The following RAB28 variants were observed in gnomAD, a reference collection of about 807,000 sequenced individuals.
RAB28 encodes the protein RAB28, member RAS oncogene family.
Under a neutral mutation model 31.7 loss-of-function variants are expected in RAB28, and 24 were observed. The ratio of observed to expected loss-of-function variants is 0.76; its 90% CI spans 0.55 to 1.06. The LOEUF is 1.06. Among genes scored for constraint, RAB28 ranks in the 50% least tolerant of loss-of-function variants. The probability of loss-of-function intolerance (pLI) is 0.00; values close to 1 mark genes in which losing one functional copy is unlikely to be tolerated. For synonymous variants in RAB28, 100 were observed against 90.4 expected (o/e 1.11, Z -0.60); for missense variants, 254 against 258.5 (o/e 0.98, Z 0.12).
intron 4 of RAB28, among the ~76,000 whole-genome samples, chr4:13,408,371 C>T (rs1343666294): frequency 3.3e-5 from 5 of 152,114 alleles, no homozygotes; most frequent in South Asian, 2.1e-4. Flanking sequence ...CCAACTTGAT[C>T]GTGGTGGGTA....
chr4:13,475,432 T>C (rs1403215489), intron 2 of RAB28, among the ~76,000 whole-genome samples: 1 of 151,436 alleles, frequency 6.6e-6, no homozygotes, highest in African/African-American at 2.4e-5. Flanking sequence ...ATGATCTCAT[T>C]TCAAAAAAAG....
chr4:13,413,091 A>G (rs59709951), intron 4 of RAB28, among the ~76,000 whole-genome samples: 11,308 of 152,232 alleles, frequency 0.074, 742 homozygotes, highest in African/African-American at 0.18. Context: ...AAAAAATAAC[A>G]GAACAGAAAA....
chr4:13,450,168 T>G (rs554585887), intron 4 of RAB28, among the ~76,000 whole-genome samples: 1 of 151,972 alleles, frequency 6.6e-6, no homozygotes, highest in South Asian at 2.1e-4. Flanking sequence ...AGATTATGAT[T>G]TTTTAACTAA....
chr4:13,468,259 T>G (rs1449982828), intron 3 of RAB28, among the ~76,000 whole-genome samples: 2 of 152,042 alleles, frequency 1.3e-5, no homozygotes, highest in Non-Finnish European at 2.9e-5. Context: ...TTGACATTTA[T>G]AGACTACGGT....
chr4:13,459,371 T>C (rs1473000987), intron 4 of RAB28, among the ~76,000 whole-genome samples: 1 of 152,178 alleles, frequency 6.6e-6, no homozygotes, highest in Non-Finnish European at 1.5e-5. Flanking sequence ...TATACATCTA[T>C]CCTATTAGTT....
intron 3 of RAB28, among the ~76,000 whole-genome samples, chr4:13,461,819 G>A (rs951927865): frequency 2.6e-5 from 4 of 152,072 alleles, no homozygotes; most frequent in Non-Finnish European, 5.9e-5. Context: ...CGACTTCTTA[G>A]GTTGTAACAG....
chr4:13,407,734 T>C (rs968084888), intron 4 of RAB28, among the ~76,000 whole-genome samples: 1 of 152,224 alleles, frequency 6.6e-6, no homozygotes, highest in African/African-American at 2.4e-5. Flanking sequence ...TCTTTGTAAG[T>C]TGTATTCCTA....
At chr4:13,478,635 AGAG>A (rs1288364439) in intron 2 of RAB28, among the ~76,000 whole-genome samples, 3 of 151,696 alleles carry the variant, frequency 2.0e-5, no homozygotes, top group African/African-American at 7.2e-5. Flanking sequence ...GCTTCCTCAC[AGAG>A]GAGAGAGATG....
intron 4 of RAB28, among the ~76,000 whole-genome samples, chr4:13,430,935 A>G (rs1336208255): frequency 6.6e-6 from 1 of 152,192 alleles, no homozygotes; most frequent in African/African-American, 2.4e-5. Context: ...ACACCCATGA[A>G]GAGACGTGGA....
chr4:13,437,511 G>GA (rs372341356), intron 4 of RAB28, among the ~76,000 whole-genome samples: 2 of 149,030 alleles, frequency 1.3e-5, no homozygotes, highest in Admixed American at 6.7e-5. Context: ...TTAAGTCAAG[G>GA]AAAAAAAAAT....
At chr4:13,384,050 C>T (rs191734980) in intron 4 of RAB28, among the ~76,000 whole-genome samples, 1 of 152,300 alleles carries the variant, frequency 6.6e-6, no homozygotes, top group East Asian at 1.9e-4. Flanking sequence ...ATGCACCAGC[C>T]TCCCTCGCCC....
Position 13,460,759 on chromosome 4 carries a change from C to G in RAB28, c.331G>C (p.Val111Leu). 6.2e-7 allele frequency: 1 copy of G among 1,614,022 alleles called. No homozygotes were observed. The highest frequency in any genetic ancestry group is 1.1e-5 in the South Asian group (1 of 91,084). Residue 111 changes from valine to leucine, a missense_variant, in exon 4 of 7, where the codon GTG (valine) becomes CTG (leucine). By Grantham distance (32) the Val-to-Leu change is conservative (BLOSUM62 1). Transcript: ENST00000330852. ...FENLEDWYTV[V>L]KKVSEESETQ... ...TCTGACTCCTCGCTCACTTTCTTCA[C>G]CACAGTATACCAATCTTCTAAATTC...
intron 4 of RAB28, among the ~76,000 whole-genome samples, chr4:13,406,158 C>G (rs1009243341): frequency 4.6e-5 from 7 of 152,134 alleles, no homozygotes; most frequent in Non-Finnish European, 2.9e-5. Context: ...CCTAGCCCCC[C>G]ACCCCGCTAC....
At chr4:13,483,834 G>A (rs903710478) in intron 1 of RAB28, among the ~76,000 whole-genome samples, 2 of 152,234 alleles carry the variant, frequency 1.3e-5, no homozygotes, top group Non-Finnish European at 2.9e-5. Context: ...GAGTCTTGCA[G>A]GAGTTCGCAA....
intron 6 of RAB28, chr4:13,370,156 G>C (rs1465352416): frequency 4.1e-6 from 4 of 979,242 alleles, no homozygotes; most frequent in Non-Finnish European, 4.8e-6. Flanking sequence ...CATACAAAAG[G>C]AAAGAAAAGG....
chr4:13,368,751 T>C, intron 6 of RAB28, 101 bp from the exon 7 acceptor site: 1 of 901,002 alleles, frequency 1.1e-6, no homozygotes, highest in Non-Finnish European at 1.6e-6. Flanking sequence ...GAACTTCTGA[T>C]GATGGACACC....
At chr4:13,435,030 A>G (rs1714018455) in intron 4 of RAB28, among the ~76,000 whole-genome samples, 1 of 146,570 alleles carries the variant, frequency 6.8e-6, no homozygotes, top group Non-Finnish European at 1.5e-5. Flanking sequence ...AAAAAAAAAA[A>G]AAAAAGAAAA....
intron 6 of RAB28, among the ~76,000 whole-genome samples, chr4:13,373,906 C>T (rs1728816368): frequency 6.6e-6 from 1 of 151,832 alleles, no homozygotes; most frequent in Admixed American, 6.6e-5. Context: ...TCAAATGTCG[C>T]AACAACCACA....
At chr4:13,459,430 G>A (rs1715474704) in intron 4 of RAB28, among the ~76,000 whole-genome samples, 1 of 152,096 alleles carries the variant, frequency 6.6e-6, no homozygotes, top group African/African-American at 2.4e-5. Flanking sequence ...TTCACACAAT[G>A]AAACTGCCTA....
Sources: allele counts gnomAD v4.1 joint callset (sites outside exome capture counted in the v4.1 genomes callset), GRCh38; gene constraint gnomAD v4.1.1; transcripts MANE v1.5; gene names NCBI Gene and HGNC (gene_info 2026-07-23, HGNC 2026-07-21).